The following MEFV variants were observed in gnomAD, a reference collection of about 807,000 sequenced individuals.
MEFV encodes the protein pyrin.
A neutral mutation model predicts 62.5 loss-of-function variants in MEFV; 60 were observed. The observed-to-expected ratio is 0.96, with a 90% CI of 0.78 to 1.19. The LOEUF (loss-of-function observed/expected upper bound fraction) is 1.19. Ranked by LOEUF, MEFV falls within the 50% of genes most tolerant of loss-of-function variation. The probability of loss-of-function intolerance (pLI) is 0.00; values close to 1 mark genes in which losing one functional copy is unlikely to be tolerated. For synonymous variants in MEFV, 500 were observed against 415.2 expected, an observed-to-expected ratio of 1.20 and a Z score of -2.48; for missense variants, 1,169 against 1,004.5, an observed-to-expected ratio of 1.16 and a Z score of -2.21.
Position 3,254,587 on chromosome 16 carries a change from G to A in MEFV, c.481C>T (p.Arg161Cys), listed in dbSNP as rs1220047688. The A allele has an allele frequency of 1.9e-6, 3 of 1,592,478 alleles. No homozygotes were observed. Among genetic ancestry groups the A allele is most frequent in the East Asian group, 4.5e-5 (2 of 44,316 alleles). The change falls in exon 2 of 10, where the codon CGC (arginine) becomes TGC (cysteine). Residue 161 changes from arginine (R) to cysteine (C), a missense_variant. Coordinates refer to ENST00000219596, the MANE Select transcript of MEFV (RefSeq NM_000243.3). ...AGGCCCTCCGAGGCCTTCTCTCTGC[G>A]TTTGCTCAGGGGCTTCCTCGACAGC... ...RGLSRKPLSK[R>C]REKASEGLDA...
intron 4 of MEFV, 173 bp from the exon 5 acceptor site, chr16:3,247,419 G>A (rs1596353050): frequency 1.6e-6 from 1 of 614,638 alleles, no homozygotes; most frequent in East Asian, 2.7e-5. Flanking sequence ...TTCCAGAAAA[G>A]ACTGAGCATG....
rs2238407 is a variant in MEFV, at chr16:3,251,350, G to A, written c.911-1570C>T. On this transcript the variant is annotated intron_variant, in intron 2 of 9. Coordinates refer to ENST00000219596, the MANE Select transcript of MEFV (RefSeq NM_000243.3). ...TTCTAGAAACTTCTAGAGCTTTCCC[G>A]AGGGATACTATTCCCCTCTGTTCCT... is the stretch of plus-strand genomic sequence containing the variant. Among the ~76,000 whole-genome samples, 20 of 152,240 alleles carry A rather than the reference G, an allele frequency of 1.3e-4. No individual in the cohort carries two copies. The East Asian group carries it at 2.1e-3, about 16-fold the overall frequency.
chr16:3,248,868 C>T, intron 4 of MEFV, 41 bp downstream of exon 4: 1 of 1,612,600 alleles, frequency 6.2e-7, no homozygotes, highest in South Asian at 1.1e-5. Context: ...TCCCACCTTC[C>T]TCCCAGGGAC....
In MEFV at chr16:3,243,184, G is replaced by C. The variant is rs748264438; in HGVS notation, c.2303C>G (p.Ala768Gly). Residue 768 changes from alanine to glycine, a missense_variant, in exon 10 of 10, where the codon GCT (alanine) becomes GGT (glycine). Transcript: ENST00000219596. ...PGTRDGGKNT[A>G]PLTICPVGGQ... ...ACCCACTGGACAGATAGTCAGAGGA[G>C]CTGTGTTCTTCCCTCCATCACGTGT... is the stretch of plus-strand genomic sequence containing the variant. 15 of 1,613,968 alleles carry C rather than the reference G, an allele frequency of 9.3e-6. No homozygotes were observed. The highest frequency in any genetic ancestry group is 5.0e-5 in the Admixed American group (3 of 59,990).
At position 3,248,962 on chromosome 16, in the gene MEFV, T is replaced by TTC. The variant is rs2141671176; in HGVS notation, c.1301_1302dup (p.Lys435GlufsTer16). ...TAGGATCGCTGCTCCTCCCCTGATTTTCTCAGCTTCTTCAGATGCTCCAGC... is the reference window on the plus strand; with the variant it reads ...TAGGATCGCTGCTCCTCCCCTGATTTTCTCTCAGCTTCTTCAGATGCTCCAGC... On this transcript the variant is annotated frameshift_variant, in exon 4 of 10. Coordinates refer to ENST00000219596, the MANE Select transcript of MEFV (RefSeq NM_000243.3). LOFTEE classifies it high-confidence loss of function. 1 of 1,614,216 alleles carries TTC rather than the reference T, an allele frequency of 6.2e-7. No individual in the cohort carries two copies. Among genetic ancestry groups the TTC allele is most frequent in the Non-Finnish European group, 8.5e-7 (1 of 1,180,016 alleles).
At position 3,243,951 on chromosome 16, in the gene MEFV, A is replaced by C. The variant is rs745831621; in HGVS notation, c.1760-59T>G. 3.1e-6 allele frequency: 5 copies of C among 1,606,236 alleles called. No homozygotes were observed. In the African/African-American group the frequency reaches 5.3e-5, roughly 17 times the overall value. On this transcript the variant is annotated intron_variant, in intron 8 of 9. Coordinates refer to ENST00000219596, the MANE Select transcript of MEFV (RefSeq NM_000243.3). ...TGAGCATTAGCATTAAGAGGGGCTAAATTACACTGTCCTGACAACAAGGAA... is the reference window on the plus strand; with the variant it reads ...TGAGCATTAGCATTAAGAGGGGCTACATTACACTGTCCTGACAACAAGGAA...
At position 3,256,457 on chromosome 16, in the gene MEFV, T is replaced by A; in HGVS notation, c.131A>T (p.Gln44Leu). 6.2e-7 allele frequency: 1 copy of A among 1,614,254 alleles called. No homozygotes were observed. Among genetic ancestry groups the A allele is most frequent in the African/African-American group, 1.3e-5 (1 of 75,076 alleles). Residue 44 changes from glutamine (Q) to leucine (L), a missense_variant, in exon 1 of 10, where the codon CAG becomes CTG. Transcript: ENST00000219596. ...CTTCACCGGCCTGGCTCTCTGGATC[T>A]GGCTCCGGGGGATCCTGGAGTGCTC... ...QKEHSRIPRSQIQRARPVKMA... is the reference protein window; with the variant it reads ...QKEHSRIPRSLIQRARPVKMA...
chr16:3,251,038 A>G (rs2550399), intron 2 of MEFV, among the ~76,000 whole-genome samples: 1 of 151,242 alleles, frequency 6.6e-6, no homozygotes, highest in Non-Finnish European at 1.5e-5. Context: ...AAAAAAAAAA[A>G]AAAAAAAAGA....
In MEFV at chr16:3,254,210, C is replaced by G. The variant is rs1190369014; in HGVS notation, c.858G>C (p.Gly286=). 4 of 1,614,262 alleles carry G rather than the reference C, an allele frequency of 2.5e-6. No homozygotes were observed. Among genetic ancestry groups the G allele is most frequent in the Non-Finnish European group, 3.4e-6 (4 of 1,180,056 alleles). ...EPRARPTPDG[G]ASADLKEGPG... is the part of the protein sequence containing the mutation. ...GGCCTTCCTTCAGGTCCGCAGATGCCCCTCCATCCGGAGTGGGCCTTGCCC... is the reference window on the plus strand; with the variant it reads ...GGCCTTCCTTCAGGTCCGCAGATGCGCCTCCATCCGGAGTGGGCCTTGCCC... The change falls in exon 2 of 10, where the codon GGG becomes GGC. Residue 286 remains glycine, a synonymous_variant. Transcript: ENST00000219596.
At chr16:3,244,872 C>G (rs1450572558) in intron 6 of MEFV, among the ~76,000 whole-genome samples, 6 of 151,938 alleles carry the variant, frequency 3.9e-5, no homozygotes, top group Non-Finnish European at 7.4e-5. Context: ...TTATCTATGT[C>G]AAATTGATTA....
Position 3,244,592 on chromosome 16 carries a change from G to C in MEFV, c.1611-4C>G. On this transcript the variant is annotated splice_region_variant and splice_polypyrimidine_tract_variant and intron_variant, in intron 6 of 9. Transcript: ENST00000219596. ...AGGGACAGGCACTGTCTTAGCCCTA[G>C]AGACAAAAGACTGTTGACCAGAGAA... 1 of 1,610,960 alleles carries C rather than the reference G, an allele frequency of 6.2e-7. No individual in the cohort carries two copies. The highest frequency in any genetic ancestry group is 8.5e-7 in the Non-Finnish European group (1 of 1,177,560).
Position 3,248,938 on chromosome 16 carries a change from A to G in MEFV, c.1327T>C (p.Tyr443His), listed in dbSNP as rs771606146. The change falls in exon 4 of 10, where the codon TAT becomes CAT. Residue 443 changes from tyrosine to histidine, a missense_variant. Transcript: ENST00000219596. ...AAGCTCACTGCCTTCTCCTCCCCAT[A>G]GGATCGCTGCTCCTCCCCTGATTTT... ...LRKSGEEQRS[Y>H]GEEKAVSFLK... 1 of 1,614,150 alleles carries G rather than the reference A, an allele frequency of 6.2e-7. No homozygotes were observed. The highest frequency in any genetic ancestry group is 8.5e-7 in the Non-Finnish European group (1 of 1,180,008).
intron 4 of MEFV, among the ~76,000 whole-genome samples, chr16:3,248,239 A>G (rs545040458): frequency 6.6e-6 from 1 of 152,058 alleles, no homozygotes; most frequent in South Asian, 2.1e-4. Flanking sequence ...AGCCTGGGTG[A>G]CAGAGCGAGA....
rs376891162 is a variant in MEFV, at chr16:3,256,364, C to T, written c.224G>A (p.Arg75Gln). 31 of 1,613,892 alleles carry T rather than the reference C, an allele frequency of 1.9e-5. No individual in the cohort carries two copies. The highest frequency in any genetic ancestry group is 2.7e-5 in the African/African-American group (2 of 74,928). Residue 75 changes from arginine to glutamine, a missense_variant, in exon 1 of 10, where the codon CGG (arginine) becomes CAG (glutamine). Transcript: ENST00000219596. Reference protein sequence around the residue: ...YAVQLTLQVLRAINQRLLAEE... With the variant: ...YAVQLTLQVLQAINQRLLAEE... Reference sequence around the variant, plus strand: ...GGCCAGCAGGCGCTGGTTGATGGCCCGCAGGACCTGCAGGGTGAGCTGCAC... The same window carrying T: ...GGCCAGCAGGCGCTGGTTGATGGCCTGCAGGACCTGCAGGGTGAGCTGCAC...
At chr16:3,246,673 G>C (rs1958948147) in intron 5 of MEFV, 126 bp from the exon 6 acceptor site, 1 of 1,009,358 alleles carries the variant, frequency 9.9e-7, no homozygotes. Flanking sequence ...CCCTGCCCTA[G>C]GGTGTCAGTG....
intron 1 of MEFV, among the ~76,000 whole-genome samples, chr16:3,255,333 G>T (rs1266276254): frequency 6.6e-6 from 1 of 152,066 alleles, no homozygotes; most frequent in Admixed American, 6.6e-5. Context: ...AAAAGTTCAG[G>T]ACTTCCTAGA....
intron 2 of MEFV, 111 bp from the exon 3 acceptor site, chr16:3,249,891 G>C (rs1261501387): frequency 2.4e-5 from 21 of 885,836 alleles, no homozygotes; most frequent in Non-Finnish European, 3.8e-5. Flanking sequence ...CGAGTTCTCA[G>C]TTAGACTCTG....
Position 3,254,416 on chromosome 16 carries a change from C to G in MEFV, c.652G>C (p.Gly218Arg). ...CACTCCTTCTGCCCCGGGGCGCCCCCCGCCAGCCCCTGCAGCCTCCCCGCG... is the reference window on the plus strand; with the variant it reads ...CACTCCTTCTGCCCCGGGGCGCCCCGCGCCAGCCCCTGCAGCCTCCCCGCG... The part of the protein sequence containing the change: ...SSAGRLQGLA[G>R]GAPGQKECRP... Residue 218 changes from glycine to arginine, a missense_variant, in exon 2 of 10, where the codon GGG becomes CGG. Physicochemically the swap from Gly to Arg is moderately radical, Grantham distance 125 (BLOSUM62 -2). Transcript: ENST00000219596. 2 of 1,612,856 alleles carry G rather than the reference C, an allele frequency of 1.2e-6. No homozygotes were observed. The highest frequency in any genetic ancestry group is 1.7e-6 in the Non-Finnish European group (2 of 1,179,712).
At position 3,243,405 on chromosome 16, in the gene MEFV, C is replaced by T. The variant is rs28940578; in HGVS notation, c.2082G>A (p.Met694Ile). The T allele has an allele frequency of 8.3e-5, 134 of 1,614,176 alleles. No individual in the cohort carries two copies. The Middle Eastern group carries it at 1.8e-3, about 22-fold the overall frequency. ...PENGYWVVIM[M>I]KENEYQASSV... ...TGGACGCCTGGTACTCATTTTCCTT[C>T]ATCATTATCACCACCCAGTAGCCAT... The change falls in exon 10 of 10, where the codon ATG (methionine) becomes ATA (isoleucine). Residue 694 changes from methionine to isoleucine, a missense_variant. Coordinates refer to ENST00000219596, the MANE Select transcript of MEFV (RefSeq NM_000243.3).
Sources: gnomAD v4.1 joint callset for allele counts (sites outside exome capture counted in the v4.1 genomes callset) on GRCh38, gnomAD v4.1.1 for gene constraint, MANE v1.5 for transcripts, NCBI Gene and HGNC (gene_info 2026-07-23, HGNC 2026-07-21) for gene names.